The following SOCS2 variants were observed in gnomAD, a reference collection of about 807,000 sequenced individuals.
SOCS2 encodes the protein CIS-2.
A neutral mutation model predicts 18.6 loss-of-function variants in SOCS2; 10 were observed. That is an observed-to-expected ratio of 0.54 (90% confidence interval 0.33 to 0.91). The LOEUF is 0.91. SOCS2 is among the 40% of genes least tolerant of loss of function. The pLI, the probability that SOCS2 is intolerant of heterozygous loss-of-function variation, is 0.02. For missense variants in SOCS2, 231 were observed against 247.2 expected, an observed-to-expected ratio of 0.93 and a Z score of 0.44; for synonymous variants, 104 against 104.0, an observed-to-expected ratio of 1.00 and a Z score of 0.00.
chr12:93,591,264 CAAAA>C, the SOCS2 span, among the ~76,000 whole-genome samples: 7 of 109,380 alleles, frequency 6.4e-5, no homozygotes, highest in African/African-American at 2.2e-4. Flanking sequence ...AACGAACAAA[CAAAA>C]AAAAAAAAAC....
chr12:93,591,095 T>C, the SOCS2 span, among the ~76,000 whole-genome samples: 1 of 152,050 alleles, frequency 6.6e-6, no homozygotes, highest in Non-Finnish European at 1.5e-5. Flanking sequence ...ATATAAATTT[T>C]AGGAGAGTAA....
downstream of SOCS2, among the ~76,000 whole-genome samples, chr12:93,579,314 A>G (rs1379841146): frequency 6.6e-6 from 1 of 152,198 alleles, no homozygotes; most frequent in Non-Finnish European, 1.5e-5. Flanking sequence ...GTGAAAGAGG[A>G]TAATTATACT....
At chr12:93,611,636 A>T in the SOCS2 span, among the ~76,000 whole-genome samples, 2 of 152,340 alleles carry the variant, frequency 1.3e-5, no homozygotes, top group East Asian at 1.9e-4. Context: ...AAATGTATTT[A>T]AAAAATTCTC....
chr12:93,601,880 T>G, the SOCS2 span, among the ~76,000 whole-genome samples: 1 of 152,148 alleles, frequency 6.6e-6, no homozygotes, highest in Non-Finnish European at 1.5e-5. Flanking sequence ...ACTAGAAAAT[T>G]TTCACATAAA....
At chr12:93,617,789 G>A in the SOCS2 span, among the ~76,000 whole-genome samples, 2 of 152,090 alleles carry the variant, frequency 1.3e-5, no homozygotes, top group Non-Finnish European at 2.9e-5. Context: ...CACAGTGCAA[G>A]TTGACCTCAA....
At chr12:93,596,338 C>T in the SOCS2 span, among the ~76,000 whole-genome samples, 3 of 152,162 alleles carry the variant, frequency 2.0e-5, no homozygotes, top group East Asian at 1.9e-4. Context: ...GAAAGGCATC[C>T]CTTTACTAAG....
At position 93,575,107 on chromosome 12, in the gene SOCS2, C is replaced by G; in HGVS notation, c.525C>G (p.Thr175=). The G allele has an allele frequency of 6.2e-7, 1 of 1,608,928 alleles. No individual in the cohort carries two copies. Among genetic ancestry groups the G allele is most frequent in the Non-Finnish European group, 8.5e-7 (1 of 1,178,388 alleles). Residue 175 remains threonine (T), a synonymous_variant, in exon 2 of 2, where the codon ACC becomes ACG. Coordinates refer to ENST00000551556, the MANE Select transcript of SOCS2 (RefSeq NM_001270471.2). The part of the protein sequence containing the change: ...HLCRLTINKC[T]GAIWGLPLPT... Reference sequence around the variant, plus strand: ...GTAGGCTCACCATTAACAAATGTACCGGTGCCATCTGGGGACTGCCTTTAC... The same window carrying G: ...GTAGGCTCACCATTAACAAATGTACGGGTGCCATCTGGGGACTGCCTTTAC...
the SOCS2 span, among the ~76,000 whole-genome samples, chr12:93,620,855 C>A: frequency 6.6e-6 from 1 of 152,236 alleles, no homozygotes; most frequent in Non-Finnish European, 1.5e-5. Context: ...TGTAATTCAT[C>A]TTGTAATGGA....
the SOCS2 span, among the ~76,000 whole-genome samples, chr12:93,592,956 C>A: frequency 4.7e-5 from 6 of 127,930 alleles, no homozygotes; most frequent in East Asian, 4.8e-4. Flanking sequence ...GTAATAATAT[C>A]ATCTTCAATT....
the SOCS2 span, among the ~76,000 whole-genome samples, chr12:93,595,402 C>T: frequency 6.6e-6 from 1 of 152,160 alleles, no homozygotes; most frequent in African/African-American, 2.4e-5. Context: ...ACCAATCTTT[C>T]TACCCTTCTT....
the SOCS2 span, among the ~76,000 whole-genome samples, chr12:93,614,441 TCCTTCC>T: frequency 1.9e-4 from 12 of 62,656 alleles, no homozygotes; most frequent in African/African-American, 1.0e-3. Flanking sequence ...CTTCCTTCCT[TCCTTCC>T]TTCCTTCCTT....
chr12:93,582,912 A>G (rs1255133296), intron 1 of SOCS2: 1 of 151,880 alleles, frequency 6.6e-6, no homozygotes, highest in African/African-American at 2.4e-5. Flanking sequence ...CTCAGTTTCT[A>G]CGTAGATTGT....
chr12:93,586,060 C>T (rs1052219137), downstream of SOCS2, among the ~76,000 whole-genome samples: 1 of 151,538 alleles, frequency 6.6e-6, no homozygotes, highest in African/African-American at 2.4e-5. Flanking sequence ...TTTTTCCCTC[C>T]CCCAAATATT....
chr12:93,606,429 A>G, the SOCS2 span, among the ~76,000 whole-genome samples: 2,319 of 152,124 alleles, frequency 0.015, 70 homozygotes, highest in African/African-American at 0.053. Flanking sequence ...CACACAGTTA[A>G]TACTTTGTGG....
the SOCS2 span, among the ~76,000 whole-genome samples, chr12:93,598,998 A>G: frequency 6.6e-6 from 1 of 152,108 alleles, no homozygotes; most frequent in African/African-American, 2.4e-5. Flanking sequence ...CCTCCTCAAC[A>G]GTTAGTGTTA....
the SOCS2 span, among the ~76,000 whole-genome samples, chr12:93,611,078 C>G: frequency 1.3e-5 from 2 of 152,162 alleles, no homozygotes; most frequent in South Asian, 4.1e-4. Context: ...GTGTCCTAGT[C>G]CCCCTAGTTT....
At chr12:93,611,682 T>A in the SOCS2 span, among the ~76,000 whole-genome samples, 1 of 152,000 alleles carries the variant, frequency 6.6e-6, no homozygotes. Flanking sequence ...GCCCCAGGAG[T>A]CATATTTTAT....
chr12:93,603,072 G>T, the SOCS2 span, among the ~76,000 whole-genome samples: 1 of 152,162 alleles, frequency 6.6e-6, no homozygotes, highest in Non-Finnish European at 1.5e-5. Context: ...ACCTTGGTCC[G>T]AGACCAAGTC....
the SOCS2 span, among the ~76,000 whole-genome samples, chr12:93,614,615 CTTTCTTTCTTTCTTTCTTTT>C: frequency 6.2e-5 from 6 of 96,268 alleles, 2 homozygotes; most frequent in African/African-American, 2.8e-4. Context: ...TTCTTTCTTT[CTTTCTTTCTTTCTTTCTTTT>C]GATGGAGTCT....
Sources: gnomAD v4.1 joint callset for allele counts (sites outside exome capture counted in the v4.1 genomes callset) on GRCh38, gnomAD v4.1.1 for gene constraint, MANE v1.5 for transcripts, NCBI Gene and HGNC (gene_info 2026-07-23, HGNC 2026-07-21) for gene names.